GUCY1A2: variants seen among roughly 807,000 people sequenced by gnomAD.
GUCY1A2 encodes guanylate cyclase 1 soluble subunit alpha 2, also known as guanylate cyclase soluble subunit alpha-2.
In GUCY1A2, 27 loss-of-function variants were observed where a neutral mutation model predicts 63.5. The observed-to-expected ratio is 0.43, with a 90% CI of 0.31 to 0.59. The LOEUF is 0.59. Among genes scored for constraint, GUCY1A2 ranks in the 20% least tolerant of loss-of-function variants. The pLI is 0.11. For missense variants in GUCY1A2, 768 were observed against 913.3 expected, an observed-to-expected ratio of 0.84 and a Z score of 2.05; for synonymous variants, 364 against 343.5, an observed-to-expected ratio of 1.06 and a Z score of -0.66.
rs916170186 is a variant in GUCY1A2, at chr11:106,683,478, G to A, written c.*4071C>T. ...AAGCTGCAGATATAATCAATGCCCCGGCACATCCAGTTCATTACTACACTT... is the reference window on the plus strand; with the variant it reads ...AAGCTGCAGATATAATCAATGCCCCAGCACATCCAGTTCATTACTACACTT... On this transcript the variant is annotated 3_prime_UTR_variant, in exon 8 of 8. Coordinates refer to ENST00000526355, the MANE Select transcript of GUCY1A2 (RefSeq NM_000855.3). The A allele has an allele frequency of 2.2e-5, 5 of 227,250 alleles. No individual in the cohort carries two copies. The East Asian group carries it at 2.5e-4, about 11-fold the overall frequency. The allele number at this position is 227,250 out of a possible 1,614,324, so 14.1% of individuals were successfully genotyped here. A position where few individuals can be genotyped will look rare whatever the true frequency, so the allele number is the denominator to read the frequency against.
intron 5 of GUCY1A2, among the ~76,000 whole-genome samples, chr11:106,803,371 CCCT>C (rs1412779328): frequency 6.6e-6 from 1 of 152,100 alleles, no homozygotes; most frequent in Non-Finnish European, 1.5e-5. Context: ...TTATCTCCCT[CCCT>C]CCTTTTATTT....
At position 106,683,120 on chromosome 11, in the gene GUCY1A2, C is replaced by G. The variant is rs1756954600; in HGVS notation, c.*4429G>C. On this transcript the variant is annotated 3_prime_UTR_variant, in exon 8 of 8. Transcript: ENST00000526355. ...AGGAACATTCATATCAAGAGCTGCC[C>G]ATAAATCGTTTAGAAATATGTTAAA... 9.2e-6 allele frequency: 2 copies of G among 216,344 alleles called. No homozygotes were observed. The highest frequency in any genetic ancestry group is 3.7e-4 in the South Asian group (2 of 5,384). 13.4% of individuals were successfully genotyped at this position (216,344 alleles called of 1,614,324 possible).
chr11:106,957,519 T>C (rs7116468), intron 3 of GUCY1A2, among the ~76,000 whole-genome samples: 23,191 of 151,816 alleles, frequency 0.15, 2,135 homozygotes, highest in South Asian at 0.3. Context: ...ACCGCCTCCT[T>C]TGGCTTGGGG....
rs912280106 is a variant in GUCY1A2 at position 106,674,865 on chromosome 11, C to T, written c.*12684G>A. ...CCATGCAGAGGATGCTAATGAAGGC[C>T]GAGCACATTATAACTGTGTGTTTTT... On this transcript the variant is annotated 3_prime_UTR_variant, in exon 8 of 8. Coordinates refer to ENST00000526355, the MANE Select transcript of GUCY1A2 (RefSeq NM_000855.3). 2.8e-5 allele frequency: 6 copies of T among 217,266 alleles called. No individual in the cohort carries two copies. The highest frequency in any genetic ancestry group is 5.8e-5 in the Admixed American group (1 of 17,194). 13.5% of individuals were successfully genotyped at this position (217,266 alleles called of 1,614,324 possible).
At chr11:106,792,040 C>G (rs1336905839) in intron 5 of GUCY1A2, among the ~76,000 whole-genome samples, 1 of 152,036 alleles carries the variant, frequency 6.6e-6, no homozygotes, top group African/African-American at 2.4e-5. Context: ...AACACTGATG[C>G]AAAATTCTTC....
intron 4 of GUCY1A2, among the ~76,000 whole-genome samples, chr11:106,867,981 A>AC (rs1233331062): frequency 6.6e-6 from 1 of 151,846 alleles, no homozygotes; most frequent in East Asian, 1.9e-4. Context: ...ACACACCCCA[A>AC]CCCCCAAAAA....
intron 6 of GUCY1A2, among the ~76,000 whole-genome samples, chr11:106,729,244 G>A (rs984892080): frequency 1.3e-5 from 2 of 152,112 alleles, no homozygotes; most frequent in Non-Finnish European, 2.9e-5. Context: ...AAGCTAGAAG[G>A]AAGAATTGGT....
At chr11:106,772,195 C>G (rs1410484869) in intron 6 of GUCY1A2, among the ~76,000 whole-genome samples, 1 of 152,156 alleles carries the variant, frequency 6.6e-6, no homozygotes, top group Non-Finnish European at 1.5e-5. Context: ...TATTTCCCAT[C>G]ATTACAGGAT....
chr11:106,827,098 A>C (rs535173678), intron 4 of GUCY1A2: 2 of 1,492,910 alleles, frequency 1.3e-6, no homozygotes, highest in Non-Finnish European at 1.9e-6. Flanking sequence ...CTGAAGGTAG[A>C]TTTTCTTTAC....
In GUCY1A2 at chr11:106,683,750, G is replaced by A. The variant is rs2135329554; in HGVS notation, c.*3799C>T. ...CCTGTGTGTAAAAGTTTTACTTTTTGCCTTAACCATCCACAACACCTGCTC... is the reference window on the plus strand; with the variant it reads ...CCTGTGTGTAAAAGTTTTACTTTTTACCTTAACCATCCACAACACCTGCTC... On this transcript the variant is annotated 3_prime_UTR_variant, in exon 8 of 8. Coordinates refer to ENST00000526355, the MANE Select transcript of GUCY1A2 (RefSeq NM_000855.3). 9.1e-6 allele frequency: 2 copies of A among 220,964 alleles called. No homozygotes were observed. The highest frequency in any genetic ancestry group is 2.2e-5 in the African/African-American group (1 of 44,740). 13.7% of individuals were successfully genotyped at this position (220,964 alleles called of 1,614,324 possible).
intron 6 of GUCY1A2, among the ~76,000 whole-genome samples, chr11:106,771,421 T>C (rs761959658): frequency 6.6e-6 from 1 of 152,158 alleles, no homozygotes; most frequent in African/African-American, 2.4e-5. Context: ...AATACAAATA[T>C]AATTTTACTT....
Position 106,901,492 on chromosome 11 carries a change from T to A in GUCY1A2, c.1206+37968A>T, listed in dbSNP as rs529865889. Among the ~76,000 whole-genome samples the A allele has an allele frequency of 8.5e-5, 13 of 152,078 alleles. No homozygotes were observed. The East Asian group carries it at 2.5e-3, about 29-fold the overall frequency. ...GATGAAACTTTTCCAGAAGGTTTTC[T>A]TATTTATTTTTGAAATTATACTTTA... is the stretch of plus-strand genomic sequence containing the variant. On this transcript the variant is annotated intron_variant, in intron 4 of 7. Coordinates refer to ENST00000526355, the MANE Select transcript of GUCY1A2 (RefSeq NM_000855.3).
chr11:106,896,405 G>A lies in GUCY1A2; in HGVS notation c.1206+43055C>T, dbSNP rs4581417. 1.8e-3 allele frequency among the ~76,000 whole-genome samples: 275 copies of A among 152,240 alleles called. 1 individual carries two copies. Among genetic ancestry groups the A allele is most frequent in the Admixed American group, 0.014 (220 of 15,284 alleles). On this transcript the variant is annotated intron_variant, in intron 4 of 7. Transcript: ENST00000526355. ...CTTTCCCACTAAGATGAGGAGCAAG[G>A]CAAGAATGTACCATCTCACTACTCC...
chr11:106,854,223 T>C (rs1009725390), intron 4 of GUCY1A2, among the ~76,000 whole-genome samples: 2 of 152,156 alleles, frequency 1.3e-5, no homozygotes, highest in Admixed American at 6.5e-5. Context: ...GCAGTGACAA[T>C]AGCAGTGGCA....
intron 4 of GUCY1A2, among the ~76,000 whole-genome samples, chr11:106,862,224 G>A (rs1399276518): frequency 6.6e-6 from 1 of 151,864 alleles, no homozygotes; most frequent in African/African-American, 2.4e-5. Context: ...TTTAAATAAA[G>A]TATCTATTAC....
intron 1 of GUCY1A2, among the ~76,000 whole-genome samples, chr11:106,996,658 G>T (rs1219250773): frequency 6.6e-6 from 1 of 152,150 alleles, no homozygotes; most frequent in Non-Finnish European, 1.5e-5. Context: ...AAAGTGCCAT[G>T]GGCATTTTGT....
chr11:106,831,249 T>C (rs1446558784), intron 4 of GUCY1A2, among the ~76,000 whole-genome samples: 1 of 152,164 alleles, frequency 6.6e-6, no homozygotes, highest in Non-Finnish European at 1.5e-5. Flanking sequence ...TAGCAAAATG[T>C]CTCAGACACA....
At chr11:106,967,881 G>A (rs975993461) in intron 3 of GUCY1A2, among the ~76,000 whole-genome samples, 10 of 152,130 alleles carry the variant, frequency 6.6e-5, no homozygotes, top group African/African-American at 2.4e-4. Flanking sequence ...AAAAAGCAAT[G>A]AATGAAAGCA....
In GUCY1A2 at chr11:106,711,153, G is replaced by T. The variant is rs576047872; in HGVS notation, c.1837-2487C>A. Among the ~76,000 whole-genome samples the T allele has an allele frequency of 2.0e-5, 3 of 152,208 alleles. No homozygotes were observed. In the South Asian group the frequency reaches 6.2e-4, roughly 32 times the overall value. On this transcript the variant is annotated intron_variant, in intron 6 of 7. Transcript: ENST00000526355. The stretch of plus-strand genomic sequence containing the variant: ...CATAAACATATCTAATTAGTGCATG[G>T]ATAGCATCATATAAACAAATAGACA...
Sources: allele counts gnomAD v4.1 joint callset (sites outside exome capture counted in the v4.1 genomes callset), GRCh38; gene constraint gnomAD v4.1.1; transcripts MANE v1.5; gene names NCBI Gene and HGNC (gene_info 2026-07-23, HGNC 2026-07-21).